The following RPRD2 variants were observed in gnomAD, a reference collection of about 807,000 sequenced individuals.
RPRD2 encodes the protein regulation of nuclear pre-mRNA domain containing 2.
RPRD2 carries 12 observed loss-of-function variants against 104.4 expected under a neutral mutation model. The observed-to-expected ratio is 0.11, with a 90% confidence interval of 0.07 to 0.19. The LOEUF is 0.19. Ranked by LOEUF, RPRD2 falls within the 10% of genes least tolerant of loss-of-function variation. The pLI is 1.00. For synonymous variants in RPRD2, 714 were observed against 684.9 expected (o/e 1.04, Z -0.66); for missense variants, 1,543 against 1,790.1 (o/e 0.86, Z 2.49).
intron 9 of RPRD2, among the ~76,000 whole-genome samples, chr1:150,463,850 A>G (rs1395337718): frequency 6.6e-6 from 1 of 152,152 alleles, no homozygotes; most frequent in East Asian, 1.9e-4. Context: ...TTTGGTGGAG[A>G]AAAAAGATTG....
intron 2 of RPRD2, among the ~76,000 whole-genome samples, chr1:150,426,791 G>A (rs1259830397): frequency 6.6e-6 from 1 of 152,150 alleles, no homozygotes; most frequent in African/African-American, 2.4e-5. Context: ...CTGGAGATAT[G>A]GATGGTGGTG....
chr1:150,403,382 C>T (rs1176657993), intron 1 of RPRD2, among the ~76,000 whole-genome samples: 1 of 152,140 alleles, frequency 6.6e-6, no homozygotes, highest in Non-Finnish European at 1.5e-5. Context: ...AACTTCGTCT[C>T]ACTTTCCAGA....
chr1:150,461,143 C>T (rs143996797), intron 9 of RPRD2, among the ~76,000 whole-genome samples: 76 of 151,494 alleles, frequency 5.0e-4, no homozygotes, highest in African/African-American at 1.8e-3. Flanking sequence ...GCCTGTAATC[C>T]CAGCACTTTG....
chr1:150,403,888 C>T (rs1257758820), intron 1 of RPRD2, among the ~76,000 whole-genome samples: 2 of 152,184 alleles, frequency 1.3e-5, no homozygotes, highest in African/African-American at 4.8e-5. Flanking sequence ...CCCACCTCGG[C>T]CTCCCAAAGT....
At chr1:150,466,377 CAAAAAAAAAAAA>C (rs34200262) in intron 10 of RPRD2, among the ~76,000 whole-genome samples, 1 of 105,020 alleles carries the variant, frequency 9.5e-6, no homozygotes, top group African/African-American at 3.8e-5. Context: ...GACTCTGTCT[CAAAAAAAAAAAA>C]AAAAAAAAAA....
intron 1 of RPRD2, among the ~76,000 whole-genome samples, chr1:150,384,141 A>C (rs1413743954): frequency 2.0e-5 from 3 of 152,056 alleles, no homozygotes; most frequent in Non-Finnish European, 1.5e-5. Context: ...TGACCATGGA[A>C]TCCCTTTCGT....
At chr1:150,443,410 C>G (rs894147731) in intron 5 of RPRD2, 127 bp downstream of exon 5, 3 of 700,436 alleles carry the variant, frequency 4.3e-6, no homozygotes, top group East Asian at 2.9e-5. Flanking sequence ...CATGCATGAA[C>G]TGTTCTAAAG....
chr1:150,444,146 G>T lies in RPRD2; in HGVS notation c.568-105G>T, dbSNP rs1197798611. On this transcript the variant is annotated intron_variant, in intron 5 of 10. Coordinates refer to ENST00000369068, the MANE Select transcript of RPRD2 (RefSeq NM_015203.5). Reference sequence around the variant, plus strand: ...TCCCAGGGTTTTGTTAAGCTTTAGGGTGTTTGTTTTGTTTTGTTTTGTTTT... The same window carrying T: ...TCCCAGGGTTTTGTTAAGCTTTAGGTTGTTTGTTTTGTTTTGTTTTGTTTT... 7.1e-6 allele frequency: 8 copies of T among 1,130,444 alleles called. No individual in the cohort carries two copies. In the East Asian group the frequency reaches 1.5e-4, roughly 21 times the overall value. 70.0% of individuals were successfully genotyped at this position (1,130,444 alleles called of 1,614,324 possible).
intron 6 of RPRD2, among the ~76,000 whole-genome samples, chr1:150,445,893 C>T (rs1460656941): frequency 6.6e-6 from 1 of 151,966 alleles, no homozygotes; most frequent in South Asian, 2.1e-4. Context: ...ACAGTGAAAC[C>T]CCATCTCCGC....
intron 2 of RPRD2, among the ~76,000 whole-genome samples, chr1:150,429,461 C>A (rs1278952254): frequency 6.6e-6 from 1 of 151,938 alleles, no homozygotes; most frequent in Non-Finnish European, 1.5e-5. Flanking sequence ...TTCAAGCAGT[C>A]CTCCTACCTC....
In RPRD2 at chr1:150,471,464, C is replaced by T. The variant is rs749587106; in HGVS notation, c.2516C>T (p.Ser839Leu). The change falls in exon 11 of 11, where the codon TCA becomes TTA. Residue 839 changes from serine (S) to leucine (L), a missense_variant. By Grantham distance (145) the Ser-to-Leu change is moderately radical (BLOSUM62 -2). Transcript: ENST00000369068. This position sits in a 1 kb window ranked among gnomAD's most constrained non-coding sequence, Gnocchi z 5.3. ...GAGGATTACCGAGATTTTGAGTATT[C>T]AGGGCCTCCACCCTCTGCCATGATG... ...EDEDYRDFEY[S>L]GPPPSAMMNL... is the part of the protein sequence containing the mutation. The T allele has an allele frequency of 2.6e-5, 42 of 1,613,768 alleles. No homozygotes were observed. Among genetic ancestry groups the T allele is most frequent in the Non-Finnish European group, 2.4e-5 (28 of 1,179,856 alleles).
At chr1:150,401,697 G>T (rs1421058595) in intron 1 of RPRD2, among the ~76,000 whole-genome samples, 1 of 150,924 alleles carries the variant, frequency 6.6e-6, no homozygotes, top group Non-Finnish European at 1.5e-5. Context: ...AGGCTGGAGT[G>T]CAGTGGCGCA....
intron 1 of RPRD2, among the ~76,000 whole-genome samples, chr1:150,400,972 C>T (rs1329319679): frequency 2.0e-5 from 3 of 151,250 alleles, no homozygotes; most frequent in South Asian, 2.1e-4. Context: ...GTCAGGAGAT[C>T]GAGACCATCC....
At chr1:150,378,517 A>G (rs1197515268) in intron 1 of RPRD2, among the ~76,000 whole-genome samples, 3 of 152,124 alleles carry the variant, frequency 2.0e-5, no homozygotes, top group Non-Finnish European at 4.4e-5. Context: ...TATATACAGG[A>G]TAAAAGTTCC....
chr1:150,464,551 C>T lies in RPRD2; in HGVS notation c.1436C>T (p.Ser479Phe). The T allele has an allele frequency of 6.2e-7, 1 of 1,603,118 alleles. No individual in the cohort carries two copies. The highest frequency in any genetic ancestry group is 8.5e-7 in the Non-Finnish European group (1 of 1,174,692). ...GGGGTCAGTCCTGCATCAAGACCTT[C>T]TCCAGGAACGCCCACCAGCCCCAGC... Reference protein sequence around the residue: ...NTGVSPASRPSPGTPTSPSNL... With the variant: ...NTGVSPASRPFPGTPTSPSNL... The change falls in exon 10 of 11, where the codon TCT becomes TTT. Residue 479 changes from serine to phenylalanine, a missense_variant. By Grantham distance (155) the Ser-to-Phe change is radical (BLOSUM62 -2). Coordinates refer to ENST00000369068, the MANE Select transcript of RPRD2 (RefSeq NM_015203.5).
intron 7 of RPRD2, among the ~76,000 whole-genome samples, chr1:150,446,939 G>A (rs587635714): frequency 1.0e-4 from 15 of 150,036 alleles, no homozygotes; most frequent in East Asian, 7.8e-4. Context: ...GGGTTCAAGC[G>A]ATTCTCCTGC....
At position 150,364,666 on chromosome 1, in the gene RPRD2, C is replaced by G; in HGVS notation, c.-49C>G. On this transcript the variant is annotated 5_prime_UTR_variant, in exon 1 of 11. Transcript: ENST00000369068. ...TTGTTTTGCCCGCTCCCGCCGCCGC[C>G]GCCGCCGCCGCCGCCAGAGGAGCAG... is the stretch of plus-strand genomic sequence containing the variant. The G allele has an allele frequency of 9.1e-7, 1 of 1,104,072 alleles. No homozygotes were observed. Among genetic ancestry groups the G allele is most frequent in the Non-Finnish European group, 1.3e-6 (1 of 771,332 alleles). 68.4% of individuals were successfully genotyped at this position (1,104,072 alleles called of 1,614,324 possible). A position where few individuals can be genotyped will look rare whatever the true frequency, so the allele number is the denominator to read the frequency against.
intron 1 of RPRD2, among the ~76,000 whole-genome samples, chr1:150,395,365 TTGTGTGTGTGTGTGTGTG>T (rs10524632): frequency 2.1e-5 from 3 of 144,076 alleles, no homozygotes; most frequent in Non-Finnish European, 3.0e-5. Context: ...TAGTATTCCA[TTGTGTGTGTGTGTGTGTG>T]TGTGTGTGTG....
intron 2 of RPRD2, among the ~76,000 whole-genome samples, chr1:150,420,740 C>T (rs1324549464): frequency 1.3e-5 from 2 of 152,050 alleles, no homozygotes; most frequent in Non-Finnish European, 2.9e-5. Flanking sequence ...GCACAAGAAT[C>T]GCTTGAACCT....
Sources: gnomAD v4.1 joint callset for allele counts (sites outside exome capture counted in the v4.1 genomes callset) on GRCh38, gnomAD v4.1.1 for gene constraint, Gnocchi (gnomAD v3.1) non-coding constraint, MANE v1.5 for transcripts, NCBI Gene and HGNC (gene_info 2026-07-23, HGNC 2026-07-21) for gene names.